RAPGEF2: variants seen among roughly 807,000 people sequenced by gnomAD.
RAPGEF2 encodes the protein Rap guanine nucleotide exchange factor 2.
A neutral mutation model predicts 186.7 loss-of-function variants in RAPGEF2; 54 were observed. That is an observed-to-expected ratio of 0.29 (90% CI 0.23 to 0.36). The LOEUF is 0.36. Ranked by LOEUF, RAPGEF2 falls within the 10% of genes least tolerant of loss-of-function variation. The pLI is 1.00. For synonymous variants in RAPGEF2, 712 were observed against 705.9 expected, an observed-to-expected ratio of 1.01 and a Z score of -0.14; for missense variants, 1,532 against 2,045.0, an observed-to-expected ratio of 0.75 and a Z score of 4.84.
At chr4:159,333,194 G>A (rs912315098) in intron 17 of RAPGEF2, among the ~76,000 whole-genome samples, 1 of 151,908 alleles carries the variant, frequency 6.6e-6, no homozygotes, top group Non-Finnish European at 1.5e-5. Context: ...TGGCCAGGCT[G>A]GTCTTGAACT....
At chr4:159,148,274 T>C (rs1468005991) in intron 1 of RAPGEF2, among the ~76,000 whole-genome samples, 1 of 152,204 alleles carries the variant, frequency 6.6e-6, no homozygotes, top group African/African-American at 2.4e-5. Flanking sequence ...TTATTGACCC[T>C]GAGTGCCAGT....
At chr4:159,251,908 A>T (rs1378615352) in intron 7 of RAPGEF2, among the ~76,000 whole-genome samples, 1 of 151,810 alleles carries the variant, frequency 6.6e-6, no homozygotes, top group East Asian at 1.9e-4. Context: ...GCTGCGGCTC[A>T]CGCTTTGGGT....
At chr4:159,121,763 G>A (rs1739708377) in intron 1 of RAPGEF2, among the ~76,000 whole-genome samples, 1 of 151,968 alleles carries the variant, frequency 6.6e-6, no homozygotes, top group African/African-American at 2.4e-5. Flanking sequence ...GGGCTCGGTG[G>A]CTCATGCCTG....
chr4:159,220,005 A>G (rs1751384293), intron 4 of RAPGEF2, among the ~76,000 whole-genome samples: 1 of 152,220 alleles, frequency 6.6e-6, no homozygotes. Flanking sequence ...GAGAAGGTTC[A>G]CTTTGTCTAG....
At chr4:159,256,856 T>C (rs1756228363) in intron 7 of RAPGEF2, among the ~76,000 whole-genome samples, 1 of 152,214 alleles carries the variant, frequency 6.6e-6, no homozygotes, top group Admixed American at 6.5e-5. Context: ...GAAGTGTCTG[T>C]TCATGTCCTT....
chr4:159,322,762 C>T (rs963986964), intron 10 of RAPGEF2, among the ~76,000 whole-genome samples: 4 of 152,128 alleles, frequency 2.6e-5, no homozygotes, highest in African/African-American at 7.2e-5. Flanking sequence ...CGGTGAAAGG[C>T]ACTTCTTACA....
chr4:159,343,549 A>T (rs1729846727), intron 22 of RAPGEF2, 145 bp downstream of exon 22: 14 of 1,091,660 alleles, frequency 1.3e-5, no homozygotes, highest in Non-Finnish European at 1.6e-5. Context: ...ATCACCTGTG[A>T]GCTCTAATTT....
intron 3 of RAPGEF2, among the ~76,000 whole-genome samples, chr4:159,203,870 A>G (rs924326370): frequency 2.0e-5 from 3 of 152,248 alleles, no homozygotes; most frequent in Non-Finnish European, 2.9e-5. Context: ...GAAGGCATCA[A>G]TGTCTTCCAT....
intron 3 of RAPGEF2, among the ~76,000 whole-genome samples, chr4:159,197,077 G>A (rs1384749279): frequency 2.6e-5 from 4 of 152,122 alleles, no homozygotes; most frequent in African/African-American, 7.2e-5. Context: ...GGAATACTGA[G>A]GCGGATAATA....
At chr4:159,159,884 G>A (rs76567482) in intron 1 of RAPGEF2, among the ~76,000 whole-genome samples, 2,264 of 152,268 alleles carry the variant, frequency 0.015, 67 homozygotes, top group African/African-American at 0.051. Context: ...CAGATCATCA[G>A]GTGGATGATC....
At chr4:159,296,042 A>C (rs1453226271) in intron 7 of RAPGEF2, among the ~76,000 whole-genome samples, 1 of 147,212 alleles carries the variant, frequency 6.8e-6, no homozygotes, top group Non-Finnish European at 1.5e-5. Flanking sequence ...GAAGTTTTAC[A>C]TAGATTTAAT....
intron 9 of RAPGEF2, among the ~76,000 whole-genome samples, chr4:159,321,127 C>G (rs1176769627): frequency 6.6e-6 from 1 of 151,946 alleles, no homozygotes; most frequent in Non-Finnish European, 1.5e-5. Flanking sequence ...TGTACATACA[C>G]CCTGTGCTCT....
chr4:159,204,674 G>T (rs1030237508), intron 3 of RAPGEF2, among the ~76,000 whole-genome samples: 2 of 152,110 alleles, frequency 1.3e-5, no homozygotes, highest in South Asian at 4.1e-4. Context: ...AGAGTTTCTC[G>T]TTATAAACCA....
At chr4:159,333,630 G>C (rs1766998687) in intron 17 of RAPGEF2, among the ~76,000 whole-genome samples, 1 of 152,140 alleles carries the variant, frequency 6.6e-6, no homozygotes, top group African/African-American at 2.4e-5. Flanking sequence ...AGACAAAATT[G>C]CAGGTATTTC....
At chr4:159,179,616 G>A (rs1746810263) in intron 1 of RAPGEF2, among the ~76,000 whole-genome samples, 1 of 152,130 alleles carries the variant, frequency 6.6e-6, no homozygotes, top group Non-Finnish European at 1.5e-5. Flanking sequence ...GCTGGTAGAG[G>A]CAATTCCATG....
intron 1 of RAPGEF2, among the ~76,000 whole-genome samples, chr4:159,151,257 C>T (rs1451324449): frequency 2.6e-5 from 4 of 152,152 alleles, no homozygotes; most frequent in Admixed American, 1.3e-4. Context: ...CCCATGTGGG[C>T]TCATAGTTGC....
intron 8 of RAPGEF2, among the ~76,000 whole-genome samples, chr4:159,306,327 C>T (rs1393368208): frequency 6.6e-6 from 1 of 151,930 alleles, no homozygotes; most frequent in Non-Finnish European, 1.5e-5. Context: ...TTATAGTTTT[C>T]CTTGTAAAGC....
intron 1 of RAPGEF2, among the ~76,000 whole-genome samples, chr4:159,114,580 G>C (rs1738841247): frequency 6.6e-6 from 1 of 152,134 alleles, no homozygotes; most frequent in Non-Finnish European, 1.5e-5. Flanking sequence ...CCTGAATTTT[G>C]TTGATATTCC....
chr4:159,299,810 T>C (rs1312721241), intron 7 of RAPGEF2, among the ~76,000 whole-genome samples: 3 of 152,012 alleles, frequency 2.0e-5, no homozygotes, highest in Admixed American at 6.6e-5. Flanking sequence ...TTATATATTA[T>C]AGAGACTTAA....
Sources: allele counts gnomAD v4.1 joint callset (sites outside exome capture counted in the v4.1 genomes callset), GRCh38; gene constraint gnomAD v4.1.1; transcripts MANE v1.5; gene names NCBI Gene and HGNC (gene_info 2026-07-23, HGNC 2026-07-21).